Variants in NKAIN3 observed in about 807,000 individuals in gnomAD.
NKAIN3 encodes sodium/potassium-transporting ATPase subunit beta-1-interacting protein 3.
In NKAIN3, 25 loss-of-function variants were observed where a neutral mutation model predicts 30.2. The ratio of observed to expected loss-of-function variants is 0.83; its 90% CI spans 0.60 to 1.16. The LOEUF (loss-of-function observed/expected upper bound fraction) is 1.16, where lower values mean the gene tolerates loss of function less well. Among genes scored for constraint, NKAIN3 ranks in the 50% most tolerant of loss-of-function variants. The pLI is 0.00. For synonymous variants in NKAIN3, 91 were observed against 89.6 expected, an observed-to-expected ratio of 1.02 and a Z score of -0.09; for missense variants, 225 against 254.1, an observed-to-expected ratio of 0.89 and a Z score of 0.78.
At chr8:62,377,223 T>C (rs561157957) in intron 1 of NKAIN3, among the ~76,000 whole-genome samples, 1 of 152,316 alleles carries the variant, frequency 6.6e-6, no homozygotes, top group South Asian at 2.1e-4. Context: ...AAAAAATTCT[T>C]CCCTCTTTGT....
intron 1 of NKAIN3, among the ~76,000 whole-genome samples, chr8:62,488,104 T>C (rs1378032755): frequency 2.6e-5 from 4 of 152,238 alleles, no homozygotes; most frequent in African/African-American, 9.6e-5. Context: ...TTTTATAAAG[T>C]TGGAGATCAC....
intron 4 of NKAIN3, among the ~76,000 whole-genome samples, chr8:62,912,971 C>A (rs1272278221): frequency 6.6e-6 from 1 of 152,124 alleles, no homozygotes; most frequent in Non-Finnish European, 1.5e-5. Context: ...GCCTAATCAT[C>A]AGTGTCACTG....
intron 1 of NKAIN3, among the ~76,000 whole-genome samples, chr8:62,508,533 G>T (rs1419281304): frequency 6.6e-6 from 1 of 152,086 alleles, no homozygotes; most frequent in East Asian, 1.9e-4. Context: ...TCATTGTCCG[G>T]GGACCAGTTA....
At chr8:62,750,559 C>CA (rs1374456405) in intron 4 of NKAIN3, among the ~76,000 whole-genome samples, 1 of 152,108 alleles carries the variant, frequency 6.6e-6, no homozygotes, top group Non-Finnish European at 1.5e-5. Flanking sequence ...CAGAGGCCCC[C>CA]AGCTTCTGCC....
Position 62,732,834 on chromosome 8 carries a change from T to C in NKAIN3, c.274-14098T>C, listed in dbSNP as rs1456760575. On this transcript the variant is annotated intron_variant, in intron 3 of 6. Transcript: ENST00000623646. ...CCTTTATTATGTATTTTTCTATACA[T>C]TTACTTTCAATACTTCTGTGTCCAG... is the stretch of plus-strand genomic sequence containing the variant. 2.0e-5 allele frequency among the ~76,000 whole-genome samples: 3 copies of C among 152,140 alleles called. No individual in the cohort carries two copies. The South Asian group carries it at 6.2e-4, about 31-fold the overall frequency.
chr8:62,368,573 A>C (rs1053357287), intron 1 of NKAIN3, among the ~76,000 whole-genome samples: 23 of 152,164 alleles, frequency 1.5e-4, no homozygotes, highest in Non-Finnish European at 3.4e-4. Flanking sequence ...GGGGAAGGGC[A>C]TGAAGGGGGG....
intron 1 of NKAIN3, among the ~76,000 whole-genome samples, chr8:62,517,636 G>A (rs1808034685): frequency 6.6e-6 from 1 of 152,038 alleles, no homozygotes; most frequent in Non-Finnish European, 1.5e-5. Flanking sequence ...GATGTGGGAG[G>A]GCACCAGTAG....
intron 4 of NKAIN3, among the ~76,000 whole-genome samples, chr8:62,752,466 A>C (rs1019780579): frequency 4.0e-4 from 61 of 152,306 alleles, no homozygotes; most frequent in African/African-American, 1.4e-3. Context: ...GGCAATCATA[A>C]ATCCCTATTA....
chr8:62,517,296 G>C (rs933564248), intron 1 of NKAIN3, among the ~76,000 whole-genome samples: 6 of 152,050 alleles, frequency 3.9e-5, no homozygotes, highest in African/African-American at 1.4e-4. Context: ...AAAATATGCT[G>C]TTATAACAAA....
At chr8:62,911,055 A>G (rs1333430489) in intron 4 of NKAIN3, among the ~76,000 whole-genome samples, 4 of 152,184 alleles carry the variant, frequency 2.6e-5, no homozygotes, top group Non-Finnish European at 5.9e-5. Context: ...ATGTTAACGT[A>G]TACTTTAGGC....
intron 3 of NKAIN3, among the ~76,000 whole-genome samples, chr8:62,681,403 G>A (rs1050093853): frequency 3.3e-5 from 5 of 151,980 alleles, no homozygotes; most frequent in Non-Finnish European, 5.9e-5. Flanking sequence ...TCTTTTCTAG[G>A]GAGTTCTAGA....
chr8:62,873,068 C>A (rs540809126), intron 4 of NKAIN3, among the ~76,000 whole-genome samples: 1 of 152,210 alleles, frequency 6.6e-6, no homozygotes, highest in South Asian at 2.1e-4. Flanking sequence ...GGAGTTAAGA[C>A]AAATCAGTGT....
At chr8:62,305,125 TG>T (rs1473900323) in intron 1 of NKAIN3, among the ~76,000 whole-genome samples, 1 of 150,612 alleles carries the variant, frequency 6.6e-6, no homozygotes, top group Non-Finnish European at 1.5e-5. Context: ...TCTTAGTGTG[TG>T]GTTACATTTA....
chr8:62,701,197 T>C (rs548006563), intron 3 of NKAIN3, among the ~76,000 whole-genome samples: 1 of 152,186 alleles, frequency 6.6e-6, no homozygotes, highest in Non-Finnish European at 1.5e-5. Context: ...GCCACTATAA[T>C]GCAATAGATG....
chr8:62,601,819 A>G (rs548394653), intron 3 of NKAIN3, among the ~76,000 whole-genome samples: 144 of 152,068 alleles, frequency 9.5e-4, no homozygotes, highest in Non-Finnish European at 1.4e-3. Flanking sequence ...AAGGAAATGT[A>G]AATATAGGTG....
intron 4 of NKAIN3, among the ~76,000 whole-genome samples, chr8:62,798,566 C>T (rs547055319): frequency 5.6e-5 from 8 of 141,874 alleles, no homozygotes; most frequent in Admixed American, 7.0e-5. Flanking sequence ...AGTGAGACTC[C>T]GTCCCCCCCA....
chr8:62,525,035 G>A (rs1347392545), intron 1 of NKAIN3, among the ~76,000 whole-genome samples: 3 of 151,948 alleles, frequency 2.0e-5, no homozygotes, highest in Non-Finnish European at 4.4e-5. Flanking sequence ...GTAGGGGTTG[G>A]TATGGAGAGA....
At chr8:62,640,260 T>C (rs1812264768) in intron 3 of NKAIN3, among the ~76,000 whole-genome samples, 2 of 152,082 alleles carry the variant, frequency 1.3e-5, no homozygotes, top group African/African-American at 2.4e-5. Flanking sequence ...TGGGAGGTGA[T>C]AGGATCACGG....
intron 5 of NKAIN3, among the ~76,000 whole-genome samples, chr8:62,997,210 A>G (rs1438067445): frequency 6.6e-6 from 1 of 152,238 alleles, no homozygotes; most frequent in Non-Finnish European, 1.5e-5. Flanking sequence ...CAGCTTTGGA[A>G]AAAAGTTGCT....
Sources: gnomAD v4.1 joint callset for allele counts (sites outside exome capture counted in the v4.1 genomes callset) on GRCh38, gnomAD v4.1.1 for gene constraint, MANE v1.5 for transcripts, NCBI Gene and HGNC (gene_info 2026-07-23, HGNC 2026-07-21) for gene names.